TMEM161A: variants seen among roughly 807,000 people sequenced by gnomAD.
TMEM161A encodes the protein transmembrane protein 161A, also known as adaptive response to oxidative stress protein 29.
TMEM161A carries 46 observed loss-of-function variants against 57.1 expected under a neutral mutation model. The ratio of observed to expected loss-of-function variants is 0.81; its 90% CI spans 0.64 to 1.03. TMEM161A has a LOEUF of 1.03. TMEM161A is among the 50% of genes least tolerant of loss of function. The probability of loss-of-function intolerance (pLI) is 0.00; values close to 1 mark genes in which losing one functional copy is unlikely to be tolerated. For missense variants in TMEM161A, 601 were observed against 621.5 expected, an observed-to-expected ratio of 0.97 and a Z score of 0.35; for synonymous variants, 288 against 279.0, an observed-to-expected ratio of 1.03 and a Z score of -0.32.
chr19:19,122,353 G>T (rs1041826118), intron 6 of TMEM161A, among the ~76,000 whole-genome samples: 1 of 152,168 alleles, frequency 6.6e-6, no homozygotes, highest in Admixed American at 6.5e-5. Flanking sequence ...GGAACATTCA[G>T]GGGTATCTGT....
In TMEM161A at chr19:19,132,721, C is replaced by A; in HGVS notation, c.222G>T (p.Leu74=). The A allele has an allele frequency of 6.4e-7, 1 of 1,574,172 alleles. No individual in the cohort carries two copies. The highest frequency in any genetic ancestry group is 1.2e-5 in the South Asian group (1 of 84,410). The change falls in exon 4 of 12, where the codon CTG becomes CTT. Residue 74 remains leucine (L), a synonymous_variant. Transcript: ENST00000162044. The surrounding 1 kb of genome is among the most constrained non-coding windows in gnomAD (Gnocchi z 4.3). ...WANGLSEEKP[L]SVPRDAPFQL... is the part of the protein sequence containing the mutation. ...GGAACGGGGCATCTCGGGGCACAGA[C>A]AGTGGCTTCTCCTCACTAAGGCCAT...
chr19:19,119,676 C>A lies in TMEM161A; in HGVS notation c.*254G>T, dbSNP rs997674598. The A allele has an allele frequency of 7.4e-6, 4 of 542,624 alleles. No homozygotes were observed. The highest frequency in any genetic ancestry group is 5.7e-5 in the African/African-American group (3 of 53,056). The allele number at this position is 542,624 out of a possible 1,614,324, so 33.6% of individuals were successfully genotyped here. A position where few individuals can be genotyped will look rare whatever the true frequency, so the allele number is the denominator to read the frequency against. On this transcript the variant is annotated 3_prime_UTR_variant, in exon 12 of 12. Coordinates refer to ENST00000162044, the MANE Select transcript of TMEM161A (RefSeq NM_017814.3). ...GAAGAGCAGCCAGCATCACCCTTGC[C>A]ACTCAAACCTGGCACATACGCTTCG...
chr19:19,133,458 G>A (rs1361018080), intron 2 of TMEM161A: 2 of 464,286 alleles, frequency 4.3e-6, no homozygotes, highest in East Asian at 7.0e-5. Context: ...GCCAGTGTGT[G>A]CAACTTTTCT....
chr19:19,133,060 A>C (rs1174128922), intron 3 of TMEM161A, 70 bp downstream of exon 3: 4 of 1,441,248 alleles, frequency 2.8e-6, no homozygotes, highest in Non-Finnish European at 3.8e-6. Context: ...GAGCCCCCTG[A>C]GCAGGGGTGA....
At chr19:19,128,365 G>A (rs1340702408) in intron 6 of TMEM161A, among the ~76,000 whole-genome samples, 3 of 151,550 alleles carry the variant, frequency 2.0e-5, no homozygotes, top group South Asian at 4.2e-4. Flanking sequence ...CCAAGTAGCT[G>A]GGACTATAGG....
intron 6 of TMEM161A, among the ~76,000 whole-genome samples, chr19:19,129,172 A>G (rs2059945378): frequency 6.6e-6 from 1 of 152,102 alleles, no homozygotes; most frequent in Non-Finnish European, 1.5e-5. Flanking sequence ...CCCCCTTGGG[A>G]GATTGGTGCA....
In TMEM161A at chr19:19,121,642, C is replaced by A; in HGVS notation, c.683G>T (p.Arg228Leu). ...WALPVAKLAI[R>L]VGLAVVGSVL... ...AGAGCCCACCACTGCCAGTCCCACGCGGATAGCCAGCTTGGCCACAGGAAG... is the reference window on the plus strand; with the variant it reads ...AGAGCCCACCACTGCCAGTCCCACGAGGATAGCCAGCTTGGCCACAGGAAG... The change falls in exon 8 of 12, where the codon CGC (arginine) becomes CTC (leucine). Residue 228 changes from arginine to leucine, a missense_variant. Arg to Leu is a moderately radical substitution (Grantham distance 102). Coordinates refer to ENST00000162044, the MANE Select transcript of TMEM161A (RefSeq NM_017814.3). This position sits in a 1 kb window ranked among gnomAD's most constrained non-coding sequence, Gnocchi z 5.8. 6.2e-7 allele frequency: 1 copy of A among 1,613,870 alleles called. No homozygotes were observed. Among genetic ancestry groups the A allele is most frequent in the Non-Finnish European group, 8.5e-7 (1 of 1,179,844 alleles).
chr19:19,119,854 C>T lies in TMEM161A; in HGVS notation c.*76G>A. On this transcript the variant is annotated 3_prime_UTR_variant, in exon 12 of 12. Coordinates refer to ENST00000162044, the MANE Select transcript of TMEM161A (RefSeq NM_017814.3). ...CACCTTGCAGCTGGGGACACGGGGGCGCAAACAGAGGGGGCAGGCTAGTGT... is the reference window on the plus strand; with the variant it reads ...CACCTTGCAGCTGGGGACACGGGGGTGCAAACAGAGGGGGCAGGCTAGTGT... 1 of 1,494,780 alleles carries T rather than the reference C, an allele frequency of 6.7e-7. No homozygotes were observed. Among genetic ancestry groups the T allele is most frequent in the Non-Finnish European group, 9.0e-7 (1 of 1,112,936 alleles). The allele number at this position is 1,494,780 out of a possible 1,614,324, so 92.6% of individuals were successfully genotyped here.
intron 6 of TMEM161A, among the ~76,000 whole-genome samples, chr19:19,125,243 G>T (rs914598769): frequency 2.6e-5 from 4 of 152,184 alleles, no homozygotes; most frequent in African/African-American, 9.7e-5. Context: ...TTAGTCCGTG[G>T]AGACACTCAA....
At position 19,121,496 on chromosome 19, in the gene TMEM161A, C is replaced by A. The variant is rs199547064; in HGVS notation, c.800+29G>T. 3.7e-6 allele frequency: 6 copies of A among 1,613,378 alleles called. No individual in the cohort carries two copies. In the African/African-American group the frequency reaches 6.7e-5, roughly 18 times the overall value. On this transcript the variant is annotated intron_variant, in intron 8 of 11. Coordinates refer to ENST00000162044, the MANE Select transcript of TMEM161A (RefSeq NM_017814.3). This position sits in a 1 kb window ranked among gnomAD's most constrained non-coding sequence, Gnocchi z 5.8. ...GAGTCTCTCCCTTAAGCTCCCTAGT[C>A]CCCCCACCCACCAAGCGACCCACTT...
At chr19:19,130,952 C>T (rs2059955720) in intron 5 of TMEM161A, among the ~76,000 whole-genome samples, 1 of 151,924 alleles carries the variant, frequency 6.6e-6, no homozygotes, top group African/African-American at 2.4e-5. Context: ...GGCGCAGTGG[C>T]TCATGCCTGT....
At chr19:19,125,013 T>C (rs548011481) in intron 6 of TMEM161A, among the ~76,000 whole-genome samples, 1 of 151,832 alleles carries the variant, frequency 6.6e-6, no homozygotes, top group East Asian at 1.9e-4. Flanking sequence ...CCTGGTAAAA[T>C]ATATATAGCA....
intron 6 of TMEM161A, among the ~76,000 whole-genome samples, chr19:19,128,575 G>GT (rs1458955189): frequency 1.5e-4 from 15 of 102,680 alleles, no homozygotes; most frequent in Non-Finnish European, 2.4e-4. Context: ...TTTCACTCTT[G>GT]TTGCTCAGGC....
At chr19:19,127,469 G>A (rs938062946) in intron 6 of TMEM161A, among the ~76,000 whole-genome samples, 17 of 151,542 alleles carry the variant, frequency 1.1e-4, no homozygotes, top group African/African-American at 3.9e-4. Context: ...ACAGGTACCC[G>A]CCACCACACC....
chr19:19,132,747 T>C lies in TMEM161A; in HGVS notation c.196A>G (p.Asn66Asp). The change falls in exon 4 of 12, where the codon AAT becomes GAT. Residue 66 changes from asparagine to aspartate, a missense_variant. Physicochemically the swap from Asn to Asp is conservative, Grantham distance 23. Transcript: ENST00000162044. The surrounding 1 kb of genome is among the most constrained non-coding windows in gnomAD (Gnocchi z 4.3). ...RPRGRKERWA[N>D]GLSEEKPLSV... ...AGTGGCTTCTCCTCACTAAGGCCAT[T>C]GGCCCACCTGGGAGGATGGTGACAA... The C allele has an allele frequency of 6.5e-7, 1 of 1,540,290 alleles. No individual in the cohort carries two copies. Among genetic ancestry groups the C allele is most frequent in the South Asian group, 1.3e-5 (1 of 79,174 alleles).
In TMEM161A at chr19:19,121,575, G is replaced by C. The variant is rs139047285; in HGVS notation, c.750C>G (p.Ala250=). The C allele has an allele frequency of 5.6e-6, 9 of 1,613,830 alleles. No individual in the cohort carries two copies. In the African/African-American group the frequency reaches 9.3e-5, roughly 17 times the overall value. The change falls in exon 8 of 12, where the codon GCC becomes GCG. Residue 250 remains alanine, a synonymous_variant. Transcript: ENST00000162044. This position sits in a 1 kb window ranked among gnomAD's most constrained non-coding sequence, Gnocchi z 5.8. ...TGGTCAGTGCGTCCCGGTGGGTCTG[G>C]GCCAGCCGCAGGCCTGGGAAGGTGA... ...AFLTFPGLRL[A]QTHRDALTMS...
chr19:19,133,091 C>T (rs750860830), intron 3 of TMEM161A, 39 bp downstream of exon 3: 5 of 1,587,596 alleles, frequency 3.1e-6, no homozygotes, highest in Non-Finnish European at 3.4e-6. Flanking sequence ...GGGGAGGAGC[C>T]ACCCTCCCAA....
intron 5 of TMEM161A, 31 bp from the exon 6 acceptor site, chr19:19,130,338 G>C (rs373615879): frequency 6.2e-7 from 1 of 1,609,678 alleles, no homozygotes; most frequent in African/African-American, 1.3e-5. Flanking sequence ...GGCCTCAGGT[G>C]CCACTGCCCC....
At chr19:19,131,973 A>T (rs1482991339) in intron 5 of TMEM161A, among the ~76,000 whole-genome samples, 2 of 152,116 alleles carry the variant, frequency 1.3e-5, no homozygotes, top group African/African-American at 4.8e-5. Context: ...TATATTTTTT[A>T]AAATTTTGCC....
Sources: allele counts gnomAD v4.1 joint callset (sites outside exome capture counted in the v4.1 genomes callset), GRCh38; gene constraint gnomAD v4.1.1; non-coding constraint Gnocchi (gnomAD v3.1); transcripts MANE v1.5; gene names NCBI Gene and HGNC (gene_info 2026-07-23, HGNC 2026-07-21).